The following MFHAS1 variants were observed in gnomAD, a reference collection of about 807,000 sequenced individuals.
MFHAS1 encodes malignant fibrous histiocytoma-amplified sequence 1.
A neutral mutation model predicts 70.4 loss-of-function variants in MFHAS1; 50 were observed. The observed-to-expected ratio is 0.71, with a 90% confidence interval of 0.57 to 0.90. The LOEUF is 0.90. Among genes scored for constraint, MFHAS1 ranks in the 40% least tolerant of loss-of-function variants. The pLI, the probability that MFHAS1 is intolerant of heterozygous loss-of-function variation, is 0.00. For missense variants in MFHAS1, 1,795 were observed against 1,347.6 expected (o/e 1.33, Z -5.20); for synonymous variants, 952 against 620.0 (o/e 1.54, Z -7.96).
intron 1 of MFHAS1, among the ~76,000 whole-genome samples, chr8:8,875,778 A>G (rs1345711044): frequency 1.3e-5 from 2 of 152,132 alleles, no homozygotes. Flanking sequence ...TTTTTACTAG[A>G]GACGGGGTTT....
chr8:8,850,525 G>C (rs1001362862), intron 1 of MFHAS1, among the ~76,000 whole-genome samples: 2 of 152,136 alleles, frequency 1.3e-5, no homozygotes, highest in African/African-American at 4.8e-5. Flanking sequence ...CAAAGCCACA[G>C]AGTTTATTAG....
chr8:8,842,071 T>A (rs1182089503), intron 1 of MFHAS1, among the ~76,000 whole-genome samples: 1 of 152,222 alleles, frequency 6.6e-6, no homozygotes, highest in Admixed American at 6.5e-5. Context: ...TGCGCCTTTA[T>A]AATCATCTTA....
At chr8:8,844,892 T>C (rs1422799955) in intron 1 of MFHAS1, among the ~76,000 whole-genome samples, 9 of 152,150 alleles carry the variant, frequency 5.9e-5, no homozygotes, top group Admixed American at 4.6e-4. Context: ...AGTGAGGTTG[T>C]TGCTGTATTT....
Position 8,893,254 on chromosome 8 carries a change from C to G in MFHAS1, c.-196G>C, listed in dbSNP as rs1397401864. On this transcript the variant is annotated 5_prime_UTR_variant, in exon 1 of 3. Coordinates refer to ENST00000276282, the MANE Select transcript of MFHAS1 (RefSeq NM_004225.3). ...CGGCGACGCGAGCGGCTCCGGGGGA[C>G]GCCGAGCGCGTGGAGAGCAGCTTGC... 1.9e-4 allele frequency: 30 copies of G among 160,762 alleles called. 1 individual carries two copies. The highest frequency in any genetic ancestry group is 2.8e-3 in the Middle Eastern group (1 of 352). The allele number at this position is 160,762 out of a possible 1,614,324, so 10.0% of individuals were successfully genotyped here. A position where few individuals can be genotyped will look rare whatever the true frequency, so the allele number is the denominator to read the frequency against.
At chr8:8,798,147 T>C (rs1805973060) in intron 1 of MFHAS1, among the ~76,000 whole-genome samples, 1 of 152,232 alleles carries the variant, frequency 6.6e-6, no homozygotes, top group Admixed American at 6.5e-5. Flanking sequence ...CTGCATGCCC[T>C]GGATGTAATC....
chr8:8,839,119 T>A (rs1234253492), intron 1 of MFHAS1, among the ~76,000 whole-genome samples: 1 of 152,138 alleles, frequency 6.6e-6, no homozygotes, highest in Admixed American at 6.5e-5. Context: ...GAACTATCTA[T>A]TCTGGATATT....
intron 2 of MFHAS1, chr8:8,790,453 A>G (rs1383555869): frequency 1.2e-6 from 1 of 844,928 alleles, no homozygotes; most frequent in Non-Finnish European, 1.4e-6. Flanking sequence ...AGAGGGAAAA[A>G]TTCCAGTATC....
At chr8:8,887,523 A>G (rs1347328001) in intron 1 of MFHAS1, among the ~76,000 whole-genome samples, 1 of 151,016 alleles carries the variant, frequency 6.6e-6, no homozygotes, top group Admixed American at 6.6e-5. Flanking sequence ...AGACAAAAAT[A>G]TGTACGTTGG....
At chr8:8,845,109 G>C (rs1807980796) in intron 1 of MFHAS1, among the ~76,000 whole-genome samples, 1 of 152,194 alleles carries the variant, frequency 6.6e-6, no homozygotes, top group African/African-American at 2.4e-5. Context: ...GTTACGAACA[G>C]AAATTTAAAC....
intron 1 of MFHAS1, among the ~76,000 whole-genome samples, chr8:8,880,724 G>A (rs552234787): frequency 1.1e-4 from 16 of 147,524 alleles, no homozygotes; most frequent in Admixed American, 3.4e-4. Context: ...TTGTTTTGTC[G>A]CCCAGGTTGG....
intron 1 of MFHAS1, among the ~76,000 whole-genome samples, chr8:8,848,124 G>C (rs554266140): frequency 4.6e-5 from 7 of 152,202 alleles, no homozygotes; most frequent in Admixed American, 1.3e-4. Context: ...AGCCCGCCCA[G>C]GGCTGCACTG....
chr8:8,791,959 C>T (rs574022685), intron 2 of MFHAS1, among the ~76,000 whole-genome samples: 6 of 152,248 alleles, frequency 3.9e-5, no homozygotes, highest in Admixed American at 6.5e-5. Context: ...ACTCAGAAAT[C>T]GGCCAGGCAC....
chr8:8,877,396 ATAAAG>A (rs1329726120), intron 1 of MFHAS1, among the ~76,000 whole-genome samples: 3 of 152,176 alleles, frequency 2.0e-5, no homozygotes, highest in Non-Finnish European at 2.9e-5. Flanking sequence ...ACAAAAAAGC[ATAAAG>A]TAAATATAGT....
In MFHAS1 at chr8:8,891,485, GC is replaced by G; in HGVS notation, c.1573del (p.Ala525ArgfsTer45). ...GCACACCACCGCGTGGGGCACTCTCGCCCCGACCCGATGCAAGAAGGAGCCC... is the reference window on the plus strand; with the variant it reads ...GCACACCACCGCGTGGGGCACTCTCGCCCGACCCGATGCAAGAAGGAGCCC... ...TVGSFLHRVG[A>X]RVPHAVVCIV... On this transcript the variant is annotated frameshift_variant, in exon 1 of 3. Transcript: ENST00000276282. LOFTEE classifies it high-confidence loss of function. This position sits in a 1 kb window ranked among gnomAD's most constrained non-coding sequence, Gnocchi z 5.4. 6.2e-7 allele frequency: 1 copy of G among 1,613,036 alleles called. No homozygotes were observed. Among genetic ancestry groups the G allele is most frequent in the East Asian group, 2.2e-5 (1 of 44,874 alleles).
Position 8,890,574 on chromosome 8 carries a change from G to C in MFHAS1, c.2485C>G (p.Leu829Val). The C allele has an allele frequency of 6.2e-7, 1 of 1,613,684 alleles. No individual in the cohort carries two copies. Among genetic ancestry groups the C allele is most frequent in the Non-Finnish European group, 8.5e-7 (1 of 1,180,050 alleles). The change falls in exon 1 of 3, where the codon CTC becomes GTC. Residue 829 changes from leucine to valine, a missense_variant. Coordinates refer to ENST00000276282, the MANE Select transcript of MFHAS1 (RefSeq NM_004225.3). ...LLLELLEKMG[L>V]CYCLNKPKGK... ...TTGGGTTTATTGAGGCAGTAACAGAGTCCCATCTTCTCCAGCAGCTCCAGC... is the reference window on the plus strand; with the variant it reads ...TTGGGTTTATTGAGGCAGTAACAGACTCCCATCTTCTCCAGCAGCTCCAGC...
chr8:8,795,191 A>C (rs1299668096), intron 2 of MFHAS1, among the ~76,000 whole-genome samples: 1 of 152,028 alleles, frequency 6.6e-6, no homozygotes, highest in Non-Finnish European at 1.5e-5. Context: ...GAGCTTTAAG[A>C]ACTTGCGGGG....
intron 1 of MFHAS1, among the ~76,000 whole-genome samples, chr8:8,868,176 T>G (rs998974940): frequency 1.3e-5 from 2 of 152,074 alleles, no homozygotes; most frequent in Non-Finnish European, 2.9e-5. Context: ...TATTCCTTGC[T>G]GCAAGGCCTC....
At chr8:8,862,152 C>T (rs976077554) in intron 1 of MFHAS1, among the ~76,000 whole-genome samples, 1 of 152,176 alleles carries the variant, frequency 6.6e-6, no homozygotes, top group African/African-American at 2.4e-5. Context: ...CCAAGAGCAG[C>T]GTAGGAAAGC....
chr8:8,800,763 C>T (rs1487110226), intron 1 of MFHAS1, among the ~76,000 whole-genome samples: 2 of 152,174 alleles, frequency 1.3e-5, no homozygotes, highest in Non-Finnish European at 2.9e-5. Context: ...TCCACACAGG[C>T]CCCAGCTCCA....
Sources: gnomAD v4.1 joint callset for allele counts (sites outside exome capture counted in the v4.1 genomes callset) on GRCh38, gnomAD v4.1.1 for gene constraint, Gnocchi (gnomAD v3.1) non-coding constraint, MANE v1.5 for transcripts, NCBI Gene and HGNC (gene_info 2026-07-23, HGNC 2026-07-21) for gene names.